SLC25A13: variants seen among roughly 807,000 people sequenced by gnomAD.
SLC25A13 encodes the protein solute carrier family 25 member 13.
In SLC25A13, 70 loss-of-function variants were observed where a neutral mutation model predicts 85.5. That is an observed-to-expected ratio of 0.82 (90% CI 0.68 to 1.00). SLC25A13 has a LOEUF of 1.00. Ranked by LOEUF, SLC25A13 falls within the 50% of genes least tolerant of loss-of-function variation. SLC25A13 has a pLI of 0.00. For missense variants in SLC25A13, 765 were observed against 819.8 expected (o/e 0.93, Z 0.82); for synonymous variants, 259 against 288.7 (o/e 0.90, Z 1.04).
chr7:96,284,355 TA>T (rs1397498835), intron 2 of SLC25A13, among the ~76,000 whole-genome samples: 1 of 152,228 alleles, frequency 6.6e-6, no homozygotes, highest in Non-Finnish European at 1.5e-5. Context: ...ATTGATGTGA[TA>T]AAAAGTTTCC....
intron 11 of SLC25A13, among the ~76,000 whole-genome samples, chr7:96,176,926 C>T (rs900634793): frequency 6.6e-6 from 1 of 152,166 alleles, no homozygotes. Flanking sequence ...GCATCTTTCA[C>T]ACTGAGTGAT....
chr7:96,289,196 CCTGA>C, intron 2 of SLC25A13, among the ~76,000 whole-genome samples: 1 of 152,344 alleles, frequency 6.6e-6, no homozygotes, highest in South Asian at 2.1e-4. Context: ...AGCTGAGGGT[CCTGA>C]CTGTTAGAAG....
chr7:96,248,015 C>T (rs1375173589), intron 3 of SLC25A13, among the ~76,000 whole-genome samples: 1 of 151,050 alleles, frequency 6.6e-6, no homozygotes, highest in Non-Finnish European at 1.5e-5. Flanking sequence ...CATCAGCCTA[C>T]ACCACCCCAA....
chr7:96,280,438 G>C (rs766828751), intron 2 of SLC25A13, among the ~76,000 whole-genome samples: 10 of 152,074 alleles, frequency 6.6e-5, no homozygotes, highest in Non-Finnish European at 1.3e-4. Flanking sequence ...ATGCAAGGCA[G>C]GGCACACTGA....
At chr7:96,138,608 C>T (rs1792393109) in intron 14 of SLC25A13, among the ~76,000 whole-genome samples, 1 of 151,780 alleles carries the variant, frequency 6.6e-6, no homozygotes, top group South Asian at 2.1e-4. Flanking sequence ...CTATGTTGCC[C>T]AGGCTGGTCT....
At chr7:96,271,866 ATTATT>A (rs1208230182) in intron 3 of SLC25A13, among the ~76,000 whole-genome samples, 3 of 151,938 alleles carry the variant, frequency 2.0e-5, no homozygotes, top group Non-Finnish European at 2.9e-5. Context: ...AATTTATTTT[ATTATT>A]TTATTTTATT....
intron 4 of SLC25A13, among the ~76,000 whole-genome samples, chr7:96,222,376 T>C (rs929908056): frequency 2.3e-4 from 35 of 152,200 alleles, no homozygotes; most frequent in Admixed American, 1.6e-3. Context: ...TTGGTCTTCA[T>C]GAGAATCAGA....
At chr7:96,124,801 T>G (rs1249448087) in intron 15 of SLC25A13, among the ~76,000 whole-genome samples, 1 of 152,212 alleles carries the variant, frequency 6.6e-6, no homozygotes, top group Non-Finnish European at 1.5e-5. Context: ...CTGCTTCCAG[T>G]TATTTCCCTT....
At chr7:96,319,966 T>G (rs548178882) in intron 1 of SLC25A13, among the ~76,000 whole-genome samples, 1 of 152,310 alleles carries the variant, frequency 6.6e-6, no homozygotes, top group African/African-American at 2.4e-5. Flanking sequence ...AACCAAAGAG[T>G]TGAACTAACT....
chr7:96,273,049 T>G (rs114931332), intron 3 of SLC25A13, among the ~76,000 whole-genome samples: 8 of 152,106 alleles, frequency 5.3e-5, no homozygotes, highest in Non-Finnish European at 1.0e-4. Flanking sequence ...TTCACCAACT[T>G]ATCAAACAGC....
At chr7:96,123,631 C>T (rs1217458517) in intron 15 of SLC25A13, among the ~76,000 whole-genome samples, 1 of 152,152 alleles carries the variant, frequency 6.6e-6, no homozygotes, top group East Asian at 1.9e-4. Flanking sequence ...ACATAACTCC[C>T]ATCATCTCCA....
chr7:96,257,901 C>G (rs1310874727), intron 3 of SLC25A13, among the ~76,000 whole-genome samples: 1 of 152,158 alleles, frequency 6.6e-6, no homozygotes, highest in Non-Finnish European at 1.5e-5. Flanking sequence ...GGATGCAAGG[C>G]TGGTTCAACA....
intron 9 of SLC25A13, among the ~76,000 whole-genome samples, chr7:96,187,833 G>C (rs56187219): frequency 0.011 from 1,728 of 152,296 alleles, 35 homozygotes; most frequent in African/African-American, 0.04. Flanking sequence ...GACCTCCCTT[G>C]CTTGAATTTG....
At chr7:96,164,471 T>G (rs1263413696) in intron 13 of SLC25A13, among the ~76,000 whole-genome samples, 2 of 152,046 alleles carry the variant, frequency 1.3e-5, no homozygotes, top group Admixed American at 1.3e-4. Flanking sequence ...TTTGGAGGGG[T>G]TTGTTACACA....
In SLC25A13 at chr7:96,321,181, C is replaced by T. The variant is rs74930123; in HGVS notation, c.15+761G>A. Among the ~76,000 whole-genome samples the T allele has an allele frequency of 9.5e-3, 1,450 of 152,284 alleles. 24 individuals are homozygous for T. The highest frequency in any genetic ancestry group is 0.033 in the African/African-American group (1,391 of 41,560). On this transcript the variant is annotated intron_variant, in intron 1 of 17. Transcript: ENST00000265631. ...AGGAAAGGTCAAGTGTTGGAGTTGCCTTTCCTCTGGGTTAGTGAATGATTC... is the reference window on the plus strand; with the variant it reads ...AGGAAAGGTCAAGTGTTGGAGTTGCTTTTCCTCTGGGTTAGTGAATGATTC...
intron 5 of SLC25A13, among the ~76,000 whole-genome samples, chr7:96,204,754 G>A (rs1795395478): frequency 6.6e-6 from 1 of 152,074 alleles, no homozygotes; most frequent in South Asian, 2.1e-4. Context: ...CATTATGAGT[G>A]TCTCAAGATT....
At chr7:96,126,951 A>G (rs1791754234) in intron 15 of SLC25A13, among the ~76,000 whole-genome samples, 1 of 152,178 alleles carries the variant, frequency 6.6e-6, no homozygotes, top group Admixed American at 6.5e-5. Context: ...GTTTTCTCAT[A>G]ATACACAATC....
chr7:96,227,142 T>C (rs1278644716), intron 4 of SLC25A13, among the ~76,000 whole-genome samples: 3 of 152,238 alleles, frequency 2.0e-5, no homozygotes, highest in African/African-American at 4.8e-5. Context: ...TTAGCACTGA[T>C]TCATCCTTGG....
chr7:96,307,877 C>T (rs559686275), intron 1 of SLC25A13, among the ~76,000 whole-genome samples: 2 of 152,168 alleles, frequency 1.3e-5, no homozygotes, highest in South Asian at 2.1e-4. Flanking sequence ...TGCGGCCGGG[C>T]GCAGTGGCTC....
Sources: gnomAD v4.1 joint callset for allele counts (sites outside exome capture counted in the v4.1 genomes callset) on GRCh38, gnomAD v4.1.1 for gene constraint, MANE v1.5 for transcripts, NCBI Gene and HGNC (gene_info 2026-07-23, HGNC 2026-07-21) for gene names.